The following ANKRD26 variants were observed in gnomAD, a reference collection of about 807,000 sequenced individuals.
ANKRD26 encodes ankyrin repeat domain 26.
A neutral mutation model predicts 208.7 loss-of-function variants in ANKRD26; 141 were observed. The ratio of observed to expected loss-of-function variants is 0.68; its 90% CI spans 0.59 to 0.78. The LOEUF (loss-of-function observed/expected upper bound fraction) is 0.78, where lower values mean the gene tolerates loss of function less well. Ranked by LOEUF, ANKRD26 falls within the 30% of genes least tolerant of loss-of-function variation. ANKRD26 has a pLI of 0.00. For missense variants in ANKRD26, 1,889 were observed against 1,938.7 expected (o/e 0.97, Z 0.48); for synonymous variants, 636 against 660.4 (o/e 0.96, Z 0.57).
chr10:27,075,598 A>G (rs1210701085), intron 9 of ANKRD26, among the ~76,000 whole-genome samples: 3 of 152,210 alleles, frequency 2.0e-5, no homozygotes, highest in African/African-American at 7.2e-5. Flanking sequence ...TAATAAAACA[A>G]TTACTACTAG....
At chr10:27,028,452 C>G (rs938500653) in intron 27 of ANKRD26, among the ~76,000 whole-genome samples, 1 of 151,396 alleles carries the variant, frequency 6.6e-6, no homozygotes, top group Admixed American at 6.6e-5. Context: ...AAAAAATTAA[C>G]CGGGTGTGGT....
At chr10:27,072,074 C>T (rs2055525212) in intron 9 of ANKRD26, among the ~76,000 whole-genome samples, 1 of 152,306 alleles carries the variant, frequency 6.6e-6, no homozygotes, top group Admixed American at 6.5e-5. Context: ...ACAGGGTGAA[C>T]AAGAAGTGTG....
chr10:26,955,457 A>G, the ANKRD26 span, among the ~76,000 whole-genome samples: 2 of 152,048 alleles, frequency 1.3e-5, no homozygotes, highest in East Asian at 3.9e-4. Flanking sequence ...ATATGTGTGT[A>G]TGTATATATG....
chr10:27,098,427 C>T (rs550327887), intron 1 of ANKRD26, among the ~76,000 whole-genome samples: 1 of 152,320 alleles, frequency 6.6e-6, no homozygotes, highest in African/African-American at 2.4e-5. Context: ...ATATTCCTCT[C>T]TTCCCAAGGA....
Position 27,005,491 on chromosome 10 carries a change from T to C in ANKRD26, c.*99A>G. ...ATAAATTTTGATCTGACATATATGATACAAAAATACGTTCCTTTAATATTT... is the reference window on the plus strand; with the variant it reads ...ATAAATTTTGATCTGACATATATGACACAAAAATACGTTCCTTTAATATTT... On this transcript the variant is annotated 3_prime_UTR_variant, in exon 34 of 34. Coordinates refer to ENST00000376087, the MANE Select transcript of ANKRD26 (RefSeq NM_014915.3). 2 of 1,539,700 alleles carry C rather than the reference T, an allele frequency of 1.3e-6. No homozygotes were observed. Among genetic ancestry groups the C allele is most frequent in the South Asian group, 2.5e-5 (2 of 81,082 alleles).
Position 27,006,944 on chromosome 10 carries a change from T to C in ANKRD26, c.4972A>G (p.Lys1658Glu), listed in dbSNP as rs1305615313. The C allele has an allele frequency of 1.2e-6, 2 of 1,610,414 alleles. No homozygotes were observed. Among genetic ancestry groups the C allele is most frequent in the Admixed American group, 3.3e-5 (2 of 60,006 alleles). Residue 1658 changes from lysine (K) to glutamate (E), a missense_variant, in exon 33 of 34, where the codon AAA (lysine) becomes GAA (glutamate). Around this residue, in one of 3 missense-constraint regions of ANKRD26, gnomAD observed 613 missense variants for 648.2 expected, o/e 0.95. Transcript: ENST00000376087. Reference sequence around the variant, plus strand: ...TCTTTGAGTTCTCTAGTTATATTTTTTTCCAACTCCTGCTGCATCTGAAAA... The same window carrying C: ...TCTTTGAGTTCTCTAGTTATATTTTCTTCCAACTCCTGCTGCATCTGAAAA... ...YLSKMQQELE[K>E]NITRELKEAA...
chr10:27,012,872 C>T lies in ANKRD26; in HGVS notation c.4953+10G>A. 2 of 1,608,592 alleles carry T rather than the reference C, an allele frequency of 1.2e-6. No homozygotes were observed. The highest frequency in any genetic ancestry group is 1.7e-6 in the Non-Finnish European group (2 of 1,175,168). Reference sequence around the variant, plus strand: ...TTGAAACCCAAAGGAAAAAAGACAACATAACTAACCTTGCTCAAGTAGTTC... The same window carrying T: ...TTGAAACCCAAAGGAAAAAAGACAATATAACTAACCTTGCTCAAGTAGTTC... On this transcript the variant is annotated intron_variant, in intron 32 of 33. Transcript: ENST00000376087.
chr10:27,043,287 C>T, intron 20 of ANKRD26, 139 bp downstream of exon 20: 1 of 924,460 alleles, frequency 1.1e-6, no homozygotes, highest in Non-Finnish European at 1.7e-6. Flanking sequence ...ATAAAGAACT[C>T]TTCAGCTTTG....
In ANKRD26 at chr10:27,022,678, G is replaced by T. The variant is rs755842145; in HGVS notation, c.4095C>A (p.Asn1365Lys). The T allele has an allele frequency of 1.0e-5, 16 of 1,584,712 alleles. No individual in the cohort carries two copies. In the East Asian group the frequency reaches 2.5e-4, roughly 25 times the overall value. The stretch of plus-strand genomic sequence containing the variant: ...ACTTCTTTCTTGTCATTTTTAAGAG[G>T]TTCTTAAATCTGCAGGAAGGTACAA... ...ELEREITGFK[N>K]LLKMTRKKLN... Residue 1365 changes from asparagine (N) to lysine (K), a missense_variant, in exon 29 of 34, where the codon AAC becomes AAA. Coordinates refer to ENST00000376087, the MANE Select transcript of ANKRD26 (RefSeq NM_014915.3).
At chr10:26,951,017 T>TC in the ANKRD26 span, among the ~76,000 whole-genome samples, 17 of 59,000 alleles carry the variant, frequency 2.9e-4, no homozygotes, top group Admixed American at 9.9e-4. Flanking sequence ...TCTTTTCTTT[T>TC]TCTTTTTTTT....
intron 1 of ANKRD26, among the ~76,000 whole-genome samples, chr10:27,098,211 A>G (rs1335426606): frequency 6.6e-6 from 1 of 151,572 alleles, no homozygotes; most frequent in Non-Finnish European, 1.5e-5. Context: ...GGGTCTTGCT[A>G]TGTTGCCCAG....
At chr10:27,005,997 G>C (rs2052862250) in intron 33 of ANKRD26, among the ~76,000 whole-genome samples, 1 of 152,128 alleles carries the variant, frequency 6.6e-6, no homozygotes, top group South Asian at 2.1e-4. Context: ...AGAATTACAA[G>C]ATGAAGATGA....
chr10:27,010,369 C>T (rs1471359408), intron 32 of ANKRD26, among the ~76,000 whole-genome samples: 1 of 152,222 alleles, frequency 6.6e-6, no homozygotes, highest in Admixed American at 6.5e-5. Flanking sequence ...AAAATCTTCC[C>T]TTACATTGCG....
chr10:26,950,996 C>CTTTTCTTTTT, the ANKRD26 span, among the ~76,000 whole-genome samples: 1 of 107,782 alleles, frequency 9.3e-6, no homozygotes, highest in Admixed American at 9.8e-5. Flanking sequence ...TATCCCTTTT[C>CTTTTCTTTTT]TTTTTTCTTT....
chr10:27,032,427 G>A (rs1564371160), intron 25 of ANKRD26, among the ~76,000 whole-genome samples: 1 of 152,154 alleles, frequency 6.6e-6, no homozygotes, highest in Non-Finnish European at 1.5e-5. Flanking sequence ...CTGAGGTTAG[G>A]AGTTTGAGAC....
chr10:27,077,214 T>C lies in ANKRD26; in HGVS notation c.1077+124A>G, dbSNP rs2055729905. On this transcript the variant is annotated intron_variant, in intron 9 of 33. Coordinates refer to ENST00000376087, the MANE Select transcript of ANKRD26 (RefSeq NM_014915.3). Reference sequence around the variant, plus strand: ...GTTCAACATATGCAAGTCTTAAATGTGATTCATCACATAAACATAATTAGA... The same window carrying C: ...GTTCAACATATGCAAGTCTTAAATGCGATTCATCACATAAACATAATTAGA... 8 of 835,930 alleles carry C rather than the reference T, an allele frequency of 9.6e-6. No individual in the cohort carries two copies. The South Asian group carries it at 1.3e-4, about 13-fold the overall frequency. 51.8% of individuals were successfully genotyped at this position (835,930 alleles called of 1,614,324 possible).
downstream of ANKRD26, among the ~76,000 whole-genome samples, chr10:27,000,543 T>C (rs754346085): frequency 5.9e-5 from 9 of 152,184 alleles, no homozygotes; most frequent in South Asian, 6.2e-4. Flanking sequence ...ATAAAAAATA[T>C]GAATTTAGCA....
chr10:27,025,511 ACTT>A (rs1279563549), intron 27 of ANKRD26, among the ~76,000 whole-genome samples: 1 of 152,082 alleles, frequency 6.6e-6, no homozygotes, highest in Admixed American at 6.5e-5. Flanking sequence ...CTAGAGATCT[ACTT>A]CTTCATCACT....
chr10:27,043,750 G>A (rs931957197), intron 19 of ANKRD26, among the ~76,000 whole-genome samples, 183 bp from the exon 20 acceptor site: 1 of 151,952 alleles, frequency 6.6e-6, no homozygotes, highest in Non-Finnish European at 1.5e-5. Flanking sequence ...CAAAGTAAAT[G>A]TCTTTACAAC....
Sources: allele counts gnomAD v4.1 joint callset (sites outside exome capture counted in the v4.1 genomes callset), GRCh38; gene constraint gnomAD v4.1.1; regional missense constraint gnomAD v4.1.1; transcripts MANE v1.5; gene names NCBI Gene and HGNC (gene_info 2026-07-23, HGNC 2026-07-21).